The following OR9Q1 variants were observed in gnomAD, a reference collection of about 807,000 sequenced individuals.
The protein encoded by OR9Q1 is olfactory receptor 9Q1.
For synonymous variants in OR9Q1, 153 were observed against 148.6 expected, an observed-to-expected ratio of 1.03 and a Z score of -0.22; for missense variants, 374 against 378.8, an observed-to-expected ratio of 0.99 and a Z score of 0.11.
intron 2 of OR9Q1, among the ~76,000 whole-genome samples, chr11:58,060,855 A>C (rs1477895359): frequency 3.3e-5 from 5 of 151,916 alleles, no homozygotes; most frequent in African/African-American, 7.3e-5. Context: ...TTTATTGAGG[A>C]GTCCCAAACC....
chr11:58,139,204 G>C (rs903888607), intron 2 of OR9Q1, among the ~76,000 whole-genome samples: 2 of 151,840 alleles, frequency 1.3e-5, no homozygotes, highest in African/African-American at 4.8e-5. Flanking sequence ...AATGATATTG[G>C]ATAAAAAGGA....
At chr11:58,069,898 C>A (rs892276075) in intron 2 of OR9Q1, among the ~76,000 whole-genome samples, 9 of 151,756 alleles carry the variant, frequency 5.9e-5, no homozygotes, top group Admixed American at 2.6e-4. Context: ...CCAAACCAAA[C>A]CAAAACAAAA....
intron 2 of OR9Q1, among the ~76,000 whole-genome samples, chr11:58,061,484 A>G (rs539480746): frequency 6.6e-6 from 1 of 152,352 alleles, no homozygotes; most frequent in East Asian, 1.9e-4. Flanking sequence ...TAGATGAGGA[A>G]TGTGAAGCTC....
chr11:58,032,255 A>C (rs1453050621), intron 1 of OR9Q1, among the ~76,000 whole-genome samples: 5 of 152,202 alleles, frequency 3.3e-5, no homozygotes, highest in African/African-American at 7.2e-5. Flanking sequence ...TAGAAAAAAC[A>C]ATTCTAAAAT....
At chr11:58,037,744 A>G (rs2119932053) in intron 1 of OR9Q1, among the ~76,000 whole-genome samples, 1 of 84,992 alleles carries the variant, frequency 1.2e-5, no homozygotes. Flanking sequence ...TTTGAGACGG[A>G]GTCTCACTCA....
rs572028558 is a variant in OR9Q1, at chr11:58,110,188, T to C, written c.-15+54241T>C. On this transcript the variant is annotated intron_variant, in intron 2 of 2. Transcript: ENST00000335397. ...GCCTTTGGAAAATCTACTTGTTGAG[T>C]AAGCTAGATTGCTCTTTCTATACCT... 3.0e-4 allele frequency among the ~76,000 whole-genome samples: 46 copies of C among 152,298 alleles called. 2 individuals carry two copies. In the South Asian group the frequency reaches 9.3e-3, roughly 31 times the overall value.
intron 2 of OR9Q1, among the ~76,000 whole-genome samples, chr11:58,172,233 C>T (rs1276330366): frequency 6.6e-6 from 1 of 152,140 alleles, no homozygotes; most frequent in Non-Finnish European, 1.5e-5. Context: ...TATTCCCTGG[C>T]ACTCAGTGGG....
rs549576917 is a variant in OR9Q1, at chr11:58,170,342, A to G, written c.-14-9089A>G. The stretch of plus-strand genomic sequence containing the variant: ...CTACACATAACATTTTTTTTCAAGG[A>G]AGAAAACAACTCTTTATCATAGTGC... On this transcript the variant is annotated intron_variant, in intron 2 of 2. Coordinates refer to ENST00000335397, the MANE Select transcript of OR9Q1 (RefSeq NM_001005212.4). Among the ~76,000 whole-genome samples, 36 of 152,042 alleles carry G rather than the reference A, an allele frequency of 2.4e-4. No individual in the cohort carries two copies. The East Asian group carries it at 5.2e-3, about 22-fold the overall frequency.
At chr11:58,073,190 G>A in intron 2 of OR9Q1, 1 of 225,312 alleles carries the variant, frequency 4.4e-6, no homozygotes, top group South Asian at 8.3e-5. Context: ...TGACAAACCG[G>A]CATCCATGCT....
intron 2 of OR9Q1, among the ~76,000 whole-genome samples, chr11:58,063,660 G>A (rs1853401203): frequency 6.6e-6 from 1 of 152,066 alleles, no homozygotes; most frequent in African/African-American, 2.4e-5. Context: ...TTTTAATTGT[G>A]GCATTTGAAG....
chr11:58,067,176 C>G (rs1162059009), intron 2 of OR9Q1, among the ~76,000 whole-genome samples: 1 of 152,028 alleles, frequency 6.6e-6, no homozygotes, highest in African/African-American at 2.4e-5. Flanking sequence ...GGACTACAGG[C>G]GCCTGCCACC....
chr11:58,052,854 A>T (rs796514687), intron 1 of OR9Q1, among the ~76,000 whole-genome samples: 2 of 151,552 alleles, frequency 1.3e-5, no homozygotes, highest in East Asian at 1.9e-4. Context: ...AAAAATGCTC[A>T]CCATCACTGG....
intron 1 of OR9Q1, chr11:58,031,723 C>T (rs1312119175): frequency 1.2e-6 from 2 of 1,614,112 alleles, no homozygotes; most frequent in South Asian, 2.2e-5. Context: ...TCTTCTATGG[C>T]ACTCTTTTCT....
intron 2 of OR9Q1, chr11:58,171,313 A>C (rs1439335579): frequency 6.6e-5 from 10 of 151,994 alleles, no homozygotes; most frequent in Non-Finnish European, 1.3e-4. Flanking sequence ...TATAGGTTTC[A>C]CTCTCTGTGA....
chr11:58,113,803 C>T (rs1168037172), intron 2 of OR9Q1, among the ~76,000 whole-genome samples: 2 of 152,136 alleles, frequency 1.3e-5, no homozygotes, highest in African/African-American at 4.8e-5. Flanking sequence ...TAAAAGGTCA[C>T]ACAGATAATG....
At chr11:58,031,625 A>T in intron 1 of OR9Q1, 1 of 1,608,970 alleles carries the variant, frequency 6.2e-7, no homozygotes, top group Non-Finnish European at 8.5e-7. Flanking sequence ...CTATGGCAAC[A>T]TCGTCTGGAC....
At chr11:58,161,873 T>C (rs1164241234) in intron 2 of OR9Q1, among the ~76,000 whole-genome samples, 3 of 152,194 alleles carry the variant, frequency 2.0e-5, no homozygotes, top group Admixed American at 6.5e-5. Context: ...GAGTCCAAAC[T>C]GTTATATCCA....
At chr11:58,089,530 G>C (rs1476350707) in intron 2 of OR9Q1, among the ~76,000 whole-genome samples, 2 of 151,900 alleles carry the variant, frequency 1.3e-5, no homozygotes, top group African/African-American at 4.9e-5. Context: ...TTTGGTACCA[G>C]TACCATGCTT....
chr11:58,054,660 G>A (rs1853309688), intron 1 of OR9Q1, among the ~76,000 whole-genome samples: 1 of 152,236 alleles, frequency 6.6e-6, no homozygotes, highest in Admixed American at 6.5e-5. Context: ...GAGGCCAGGT[G>A]TGGCGGCTCA....
Sources: allele counts gnomAD v4.1 joint callset (sites outside exome capture counted in the v4.1 genomes callset), GRCh38; gene constraint gnomAD v4.1.1; transcripts MANE v1.5; gene names NCBI Gene and HGNC (gene_info 2026-07-23, HGNC 2026-07-21).